SYNDIG1: variants seen among roughly 807,000 people sequenced by gnomAD.
The protein encoded by SYNDIG1 is synapse differentiation-inducing gene protein 1.
Under a neutral mutation model 19.4 loss-of-function variants are expected in SYNDIG1, and 9 were observed. That is an observed-to-expected ratio of 0.46 (90% CI 0.28 to 0.81). SYNDIG1 has a LOEUF of 0.81. SYNDIG1 is among the 30% of genes least tolerant of loss of function. The pLI is 0.12. For synonymous variants in SYNDIG1, 141 were observed against 145.9 expected, an observed-to-expected ratio of 0.97 and a Z score of 0.24; for missense variants, 311 against 343.3, an observed-to-expected ratio of 0.91 and a Z score of 0.74.
intron 2 of SYNDIG1, among the ~76,000 whole-genome samples, chr20:24,567,160 G>A (rs2058060235): frequency 6.6e-6 from 1 of 152,132 alleles, no homozygotes; most frequent in Non-Finnish European, 1.5e-5. Context: ...GTAAAGCAGG[G>A]TTTTATTGAG....
intron 3 of SYNDIG1, among the ~76,000 whole-genome samples, chr20:24,662,735 C>T (rs889526799): frequency 6.6e-6 from 1 of 152,268 alleles, no homozygotes; most frequent in African/African-American, 2.4e-5. Context: ...ACCGCCTGCA[C>T]TTATTTTCCA....
At chr20:24,512,516 C>T (rs1313396577) in intron 1 of SYNDIG1, among the ~76,000 whole-genome samples, 1 of 151,952 alleles carries the variant, frequency 6.6e-6, no homozygotes, top group Non-Finnish European at 1.5e-5. Flanking sequence ...TCCGAGGGTC[C>T]CACGCCCACG....
intron 3 of SYNDIG1, among the ~76,000 whole-genome samples, chr20:24,649,257 G>A (rs1398433734): frequency 6.6e-6 from 1 of 152,182 alleles, no homozygotes; most frequent in African/African-American, 2.4e-5. Flanking sequence ...TGGACACTCA[G>A]CTGACCATCG....
At chr20:24,584,781 A>G in intron 2 of SYNDIG1, 75 bp from the exon 3 acceptor site, 1 of 1,601,480 alleles carries the variant, frequency 6.2e-7, no homozygotes, top group Non-Finnish European at 8.5e-7. Context: ...GGGTCATCCC[A>G]CATCCCTGGA....
chr20:24,539,240 A>C (rs1045280559), intron 1 of SYNDIG1, among the ~76,000 whole-genome samples: 1 of 152,174 alleles, frequency 6.6e-6, no homozygotes, highest in Admixed American at 6.5e-5. Flanking sequence ...TTTTACATTT[A>C]GGTGATTGAT....
chr20:24,518,282 G>C lies in SYNDIG1; in HGVS notation c.-78-24738G>C, dbSNP rs191484410. Among the ~76,000 whole-genome samples, 790 of 152,194 alleles carry C rather than the reference G, an allele frequency of 5.2e-3. 3 individuals carry two copies. Among genetic ancestry groups the C allele is most frequent in the Non-Finnish European group, 7.5e-3 (507 of 68,014 alleles). Reference sequence around the variant, plus strand: ...AATAATATTCTCGGGAGCAAGCAGGGGAGTGGCCGGCTCTGGACTGGTACT... The same window carrying C: ...AATAATATTCTCGGGAGCAAGCAGGCGAGTGGCCGGCTCTGGACTGGTACT... On this transcript the variant is annotated intron_variant, in intron 1 of 3. Coordinates refer to ENST00000376862, the MANE Select transcript of SYNDIG1 (RefSeq NM_024893.3).
chr20:24,532,790 G>A (rs1450804481), intron 1 of SYNDIG1, among the ~76,000 whole-genome samples: 2 of 152,184 alleles, frequency 1.3e-5, no homozygotes, highest in East Asian at 3.9e-4. Context: ...GCTCCATGAG[G>A]ACTGTAAGAC....
chr20:24,549,686 T>C (rs1328484265), intron 2 of SYNDIG1, among the ~76,000 whole-genome samples: 1 of 152,190 alleles, frequency 6.6e-6, no homozygotes, highest in East Asian at 1.9e-4. Flanking sequence ...GCCCTTTGCC[T>C]TTTCGCAAGG....
chr20:24,475,247 G>A (rs1218442747), intron 1 of SYNDIG1, among the ~76,000 whole-genome samples: 1 of 152,238 alleles, frequency 6.6e-6, no homozygotes, highest in Admixed American at 6.5e-5. Context: ...CAGTAGCCAT[G>A]CTGGGGAGTG....
At chr20:24,614,795 A>AGGC (rs1306181703) in intron 3 of SYNDIG1, among the ~76,000 whole-genome samples, 3 of 152,228 alleles carry the variant, frequency 2.0e-5, no homozygotes, top group African/African-American at 7.2e-5. Flanking sequence ...TGCTTCGCCT[A>AGGC]TTTAAATGCC....
chr20:24,537,436 A>G (rs900749003), intron 1 of SYNDIG1, among the ~76,000 whole-genome samples: 3 of 151,362 alleles, frequency 2.0e-5, no homozygotes, highest in Non-Finnish European at 2.9e-5. Context: ...ACCTTCATTC[A>G]TCACTCCTGC....
chr20:24,636,143 G>A (rs974454952), intron 3 of SYNDIG1, among the ~76,000 whole-genome samples: 8 of 152,034 alleles, frequency 5.3e-5, no homozygotes, highest in South Asian at 2.1e-4. Flanking sequence ...CATATTTGCC[G>A]GTATATGAGA....
chr20:24,544,953 C>T (rs1421654187), intron 2 of SYNDIG1, among the ~76,000 whole-genome samples: 1 of 152,038 alleles, frequency 6.6e-6, no homozygotes, highest in Non-Finnish European at 1.5e-5. Context: ...AAGGTGCACT[C>T]TGCCTGGAAG....
In SYNDIG1 at chr20:24,534,556, G is replaced by A. The variant is rs557085403; in HGVS notation, c.-78-8464G>A. Among the ~76,000 whole-genome samples the A allele has an allele frequency of 3.1e-4, 47 of 152,334 alleles. No homozygotes were observed. The South Asian group carries it at 7.5e-3, about 24-fold the overall frequency. ...CTGGCCCTGGCTAACTCCTCACCCC[G>A]TTCAGGGCTTGCCGTCAGCGGGTCT... On this transcript the variant is annotated intron_variant, in intron 1 of 3. Coordinates refer to ENST00000376862, the MANE Select transcript of SYNDIG1 (RefSeq NM_024893.3).
chr20:24,591,954 T>C (rs1327367967), intron 3 of SYNDIG1, among the ~76,000 whole-genome samples: 7 of 152,248 alleles, frequency 4.6e-5, no homozygotes, highest in South Asian at 4.1e-4. Flanking sequence ...AGAAGTCTGA[T>C]ATCCTTGCCT....
At chr20:24,617,040 G>A (rs2058946131) in intron 3 of SYNDIG1, among the ~76,000 whole-genome samples, 1 of 152,150 alleles carries the variant, frequency 6.6e-6, no homozygotes, top group South Asian at 2.1e-4. Flanking sequence ...CGGCACCCGT[G>A]CACTCTCAGG....
intron 2 of SYNDIG1, among the ~76,000 whole-genome samples, chr20:24,582,097 C>T: frequency 8.0e-6 from 1 of 124,262 alleles, no homozygotes; most frequent in East Asian, 2.8e-4. Flanking sequence ...CTTCCCACAG[C>T]ATGTCCTCCC....
intron 1 of SYNDIG1, among the ~76,000 whole-genome samples, chr20:24,493,497 A>T (rs541925665): frequency 6.6e-6 from 1 of 152,376 alleles, no homozygotes; most frequent in South Asian, 2.1e-4. Context: ...ACATGCACAC[A>T]TGCAGGTACA....
At chr20:24,611,297 C>G (rs186117744) in intron 3 of SYNDIG1, among the ~76,000 whole-genome samples, 367 of 152,258 alleles carry the variant, frequency 2.4e-3, no homozygotes, top group Non-Finnish European at 3.7e-3. Context: ...GACTATTCTT[C>G]CAGCTCACGA....
Sources: allele counts gnomAD v4.1 joint callset (sites outside exome capture counted in the v4.1 genomes callset), GRCh38; gene constraint gnomAD v4.1.1; transcripts MANE v1.5; gene names NCBI Gene and HGNC (gene_info 2026-07-23, HGNC 2026-07-21).